CTNNA3: variants seen among roughly 807,000 people sequenced by gnomAD.
CTNNA3 encodes the protein catenin alpha 3.
In CTNNA3, 76 loss-of-function variants were observed where a neutral mutation model predicts 95.7. The ratio of observed to expected loss-of-function variants is 0.79; its 90% CI spans 0.66 to 0.96. The LOEUF is 0.96. Ranked by LOEUF, CTNNA3 falls within the 40% of genes least tolerant of loss-of-function variation. The pLI is 0.00. For synonymous variants in CTNNA3, 431 were observed against 374.4 expected (o/e 1.15, Z -1.74); for missense variants, 1,191 against 1,089.8 (o/e 1.09, Z -1.31).
chr10:66,328,172 A>G (rs944639505), intron 12 of CTNNA3, among the ~76,000 whole-genome samples: 4 of 152,104 alleles, frequency 2.6e-5, no homozygotes, highest in Non-Finnish European at 4.4e-5. Context: ...TAGGCCTACT[A>G]AGTGTTACAC....
At chr10:66,910,794 T>C (rs1354025627) in intron 7 of CTNNA3, among the ~76,000 whole-genome samples, 1 of 152,234 alleles carries the variant, frequency 6.6e-6, no homozygotes, top group Non-Finnish European at 1.5e-5. Context: ...TGAAAACCAA[T>C]TGTTTGCCTT....
intron 3 of CTNNA3, among the ~76,000 whole-genome samples, chr10:67,584,847 G>A (rs900118377): frequency 6.6e-6 from 1 of 152,236 alleles, no homozygotes; most frequent in Non-Finnish European, 1.5e-5. Context: ...AGGCTCCATG[G>A]GCATGGGACC....
At chr10:67,646,513 T>A (rs1839718573) in intron 2 of CTNNA3, among the ~76,000 whole-genome samples, 1 of 152,084 alleles carries the variant, frequency 6.6e-6, no homozygotes, top group African/African-American at 2.4e-5. Flanking sequence ...GTACAACATG[T>A]ACAAATTGAT....
At chr10:66,194,679 C>T (rs1055533669) in intron 13 of CTNNA3, among the ~76,000 whole-genome samples, 2 of 152,168 alleles carry the variant, frequency 1.3e-5, no homozygotes, top group African/African-American at 2.4e-5. Context: ...AGGACAATAT[C>T]GACTGTGTCT....
chr10:66,662,706 CA>C (rs1292430279), intron 9 of CTNNA3, among the ~76,000 whole-genome samples: 1 of 152,040 alleles, frequency 6.6e-6, no homozygotes, highest in African/African-American at 2.4e-5. Flanking sequence ...TTCCCTCCTT[CA>C]AGATCCTCAA....
intron 12 of CTNNA3, among the ~76,000 whole-genome samples, chr10:66,328,954 A>C (rs2092292242): frequency 7.2e-6 from 1 of 138,446 alleles, no homozygotes; most frequent in African/African-American, 2.8e-5. Flanking sequence ...ATATAAATAT[A>C]ATTTTTTTTT....
chr10:67,743,621 T>C (rs1841356387), intron 1 of CTNNA3, among the ~76,000 whole-genome samples: 1 of 151,298 alleles, frequency 6.6e-6, no homozygotes, highest in African/African-American at 2.4e-5. Context: ...TCACTACTCC[T>C]ATTCAACATA....
At chr10:67,380,902 A>T (rs1843915799) in intron 5 of CTNNA3, among the ~76,000 whole-genome samples, 1 of 152,340 alleles carries the variant, frequency 6.6e-6, no homozygotes, top group Admixed American at 6.5e-5. Flanking sequence ...AAAATAGGTT[A>T]GCAGAGAGCA....
At chr10:66,378,932 T>C (rs1206159790) in intron 12 of CTNNA3, among the ~76,000 whole-genome samples, 2 of 152,216 alleles carry the variant, frequency 1.3e-5, no homozygotes, top group African/African-American at 2.4e-5. Context: ...GGGTAATTTA[T>C]ATAACGCATA....
chr10:66,897,237 T>C (rs1398387902), intron 7 of CTNNA3, among the ~76,000 whole-genome samples: 4 of 152,058 alleles, frequency 2.6e-5, no homozygotes, highest in African/African-American at 9.7e-5. Context: ...CTTTTATATA[T>C]ATAGGAAAAT....
chr10:66,707,013 G>C (rs2132591556), intron 9 of CTNNA3, among the ~76,000 whole-genome samples: 1 of 152,010 alleles, frequency 6.6e-6, no homozygotes, highest in African/African-American at 2.4e-5. Flanking sequence ...CACACAAGAA[G>C]ATTATGAAAG....
At chr10:66,442,776 G>T (rs1429948970) in intron 11 of CTNNA3, among the ~76,000 whole-genome samples, 3 of 152,200 alleles carry the variant, frequency 2.0e-5, no homozygotes, top group African/African-American at 2.4e-5. Flanking sequence ...GAGGTACTGG[G>T]TTCATCTCAC....
chr10:67,651,505 T>C (rs945759310), intron 1 of CTNNA3, among the ~76,000 whole-genome samples: 1 of 152,238 alleles, frequency 6.6e-6, no homozygotes, highest in Admixed American at 6.5e-5. Flanking sequence ...GTATGAATTC[T>C]AGAATTCCCT....
intron 9 of CTNNA3, among the ~76,000 whole-genome samples, chr10:66,697,310 A>G (rs1410099820): frequency 6.6e-6 from 1 of 150,928 alleles, no homozygotes; most frequent in East Asian, 1.9e-4. Context: ...CCTTCCTTAG[A>G]CAAATGGAGA....
intron 7 of CTNNA3, among the ~76,000 whole-genome samples, chr10:66,836,199 T>C (rs1409977337): frequency 6.6e-6 from 1 of 152,142 alleles, no homozygotes; most frequent in Non-Finnish European, 1.5e-5. Context: ...ACACAGTCCA[T>C]GTTTGCTAGC....
intron 7 of CTNNA3, among the ~76,000 whole-genome samples, chr10:66,856,536 T>A (rs1843690501): frequency 6.6e-6 from 1 of 152,036 alleles, no homozygotes; most frequent in Non-Finnish European, 1.5e-5. Flanking sequence ...AGTGTATAAG[T>A]ATTCCCTTTT....
At chr10:67,018,375 T>G (rs1175432581) in intron 7 of CTNNA3, among the ~76,000 whole-genome samples, 1 of 152,228 alleles carries the variant, frequency 6.6e-6, no homozygotes, top group African/African-American at 2.4e-5. Context: ...CAACACCCCT[T>G]AAGTCTTATC....
intron 7 of CTNNA3, among the ~76,000 whole-genome samples, chr10:67,034,950 T>C (rs1853953327): frequency 6.6e-6 from 1 of 152,214 alleles, no homozygotes; most frequent in Non-Finnish European, 1.5e-5. Context: ...GCCTGAAATA[T>C]GCCCACCTAT....
intron 5 of CTNNA3, among the ~76,000 whole-genome samples, chr10:67,319,364 C>A (rs1341482610): frequency 6.6e-6 from 1 of 152,136 alleles, no homozygotes; most frequent in Non-Finnish European, 1.5e-5. Context: ...GTCCTCCTAG[C>A]AAGTCATAGG....
Sources: gnomAD v4.1 joint callset for allele counts (sites outside exome capture counted in the v4.1 genomes callset) on GRCh38, gnomAD v4.1.1 for gene constraint, MANE v1.5 for transcripts, NCBI Gene and HGNC (gene_info 2026-07-23, HGNC 2026-07-21) for gene names.